The following ARHGAP39 variants were observed in gnomAD, a reference collection of about 807,000 sequenced individuals.
ARHGAP39 encodes rho GTPase-activating protein 39.
ARHGAP39 carries 44 observed loss-of-function variants against 106.9 expected under a neutral mutation model. The ratio of observed to expected loss-of-function variants is 0.41; its 90% CI spans 0.32 to 0.53. The LOEUF is 0.53. Among genes scored for constraint, ARHGAP39 ranks in the 20% least tolerant of loss-of-function variants. The pLI is 0.21. For missense variants in ARHGAP39, 1,496 were observed against 1,577.3 expected, an observed-to-expected ratio of 0.95 and a Z score of 0.87; for synonymous variants, 768 against 693.2, an observed-to-expected ratio of 1.11 and a Z score of -1.69.
At chr8:144,596,134 G>GC (rs1256444084) in intron 2 of ARHGAP39, among the ~76,000 whole-genome samples, 1 of 152,192 alleles carries the variant, frequency 6.6e-6, no homozygotes, top group African/African-American at 2.4e-5. Context: ...AACCCAACGG[G>GC]CCCTGGCAGC....
At chr8:144,675,053 G>T (rs1179197082) in intron 1 of ARHGAP39, among the ~76,000 whole-genome samples, 2 of 152,032 alleles carry the variant, frequency 1.3e-5, no homozygotes, top group African/African-American at 2.4e-5. Context: ...GCCCAGGAGG[G>T]CCAGGCTCCC....
chr8:144,650,976 C>A (rs1216980228), intron 1 of ARHGAP39, among the ~76,000 whole-genome samples: 1 of 152,172 alleles, frequency 6.6e-6, no homozygotes, highest in Admixed American at 6.5e-5. Flanking sequence ...TTGCAGATGA[C>A]ATGATTGTAT....
rs114790885 is a variant in ARHGAP39 at position 144,680,623 on chromosome 8, A to G, written c.-82+5063T>C. On this transcript the variant is annotated intron_variant, in intron 1 of 11. Transcript: ENST00000377307. ...AAATTAGATGTTCGATTTTAAAACTACAAAACAATACTTGGAAAACACTTG... is the reference window on the plus strand; with the variant it reads ...AAATTAGATGTTCGATTTTAAAACTGCAAAACAATACTTGGAAAACACTTG... Among the ~76,000 whole-genome samples, 448 of 152,350 alleles carry G rather than the reference A, an allele frequency of 2.9e-3. 5 individuals carry two copies. Among genetic ancestry groups the G allele is most frequent in the African/African-American group, 9.9e-3 (411 of 41,576 alleles).
chr8:144,602,439 AGTT>A (rs1372630408), intron 2 of ARHGAP39, among the ~76,000 whole-genome samples: 3 of 103,908 alleles, frequency 2.9e-5, no homozygotes, highest in South Asian at 3.3e-4. Context: ...GTGTGCATGG[AGTT>A]GTGCGTGCGA....
chr8:144,593,245 G>C (rs372630372), intron 2 of ARHGAP39, among the ~76,000 whole-genome samples: 12 of 152,298 alleles, frequency 7.9e-5, no homozygotes, highest in Admixed American at 2.0e-4. Flanking sequence ...GTGCATGCCA[G>C]ACAATTTGCC....
rs1819160097 is a variant in ARHGAP39, at chr8:144,585,801, A to G, written c.81-4524T>C. On this transcript the variant is annotated intron_variant, in intron 2 of 11. Coordinates refer to ENST00000377307, the MANE Select transcript of ARHGAP39 (RefSeq NM_025251.3). This position sits in a 1 kb window ranked among gnomAD's most constrained non-coding sequence, Gnocchi z 4.6. ...TGGGCCCCTGCAGGGCCCATAATTT[A>G]AATGAGAAAGAGAATCCAAGGATCA... is the stretch of plus-strand genomic sequence containing the variant. Among the ~76,000 whole-genome samples, 1 of 152,214 alleles carries G rather than the reference A, an allele frequency of 6.6e-6. No individual in the cohort carries two copies. Among genetic ancestry groups the G allele is most frequent in the Non-Finnish European group, 1.5e-5 (1 of 68,036 alleles).
At chr8:144,699,238 G>A in the ARHGAP39 span, 1 of 98,402 alleles carries the variant, frequency 1.0e-5, no homozygotes, top group African/African-American at 4.8e-5. Flanking sequence ...GTGGTGTGTT[G>A]TAGGGGAGGG....
In ARHGAP39 at chr8:144,545,753, C is replaced by T. The variant is rs757366577; in HGVS notation, c.2017G>A (p.Val673Ile). 26 of 1,608,302 alleles carry T rather than the reference C, an allele frequency of 1.6e-5. No homozygotes were observed. The highest frequency in any genetic ancestry group is 9.3e-6 in the Non-Finnish European group (11 of 1,178,172). Reference sequence around the variant, plus strand: ...GGGAAGACGCAGCTGGAGCTGGGAACGCCGCTGCGGCTCTGCCGGCTGCTC... The same window carrying T: ...GGGAAGACGCAGCTGGAGCTGGGAATGCCGCTGCGGCTCTGCCGGCTGCTC... The part of the protein sequence containing the change: ...FESSRQSRSG[V>I]PSSSCVFPTF... The change falls in exon 6 of 12, where the codon GTT becomes ATT. Residue 673 changes from valine to isoleucine, a missense_variant. Coordinates refer to ENST00000377307, the MANE Select transcript of ARHGAP39 (RefSeq NM_025251.3).
At chr8:144,533,410 T>C (rs1293514491) in intron 8 of ARHGAP39, 85 bp from the exon 9 acceptor site, 8 of 1,371,758 alleles carry the variant, frequency 5.8e-6, no homozygotes, top group East Asian at 4.9e-5. Context: ...TCCCCGAACA[T>C]AGGTGGGTGG....
intron 3 of ARHGAP39, among the ~76,000 whole-genome samples, chr8:144,580,590 C>T (rs1477920686): frequency 2.0e-5 from 3 of 151,980 alleles, no homozygotes; most frequent in African/African-American, 4.8e-5. Flanking sequence ...CCTCACCTGG[C>T]CCTGCCCACC....
chr8:144,540,298 A>G (rs1817135594), intron 6 of ARHGAP39, among the ~76,000 whole-genome samples: 1 of 152,208 alleles, frequency 6.6e-6, no homozygotes, highest in African/African-American at 2.4e-5. Flanking sequence ...CGAGATGTTG[A>G]GGCAGGGGGA....
At chr8:144,535,791 CTGA>C (rs1162529043) in intron 7 of ARHGAP39, among the ~76,000 whole-genome samples, 1 of 151,648 alleles carries the variant, frequency 6.6e-6, no homozygotes, top group Non-Finnish European at 1.5e-5. Context: ...CGCCTCTCAG[CTGA>C]TGAAGGTGAT....
intron 1 of ARHGAP39, among the ~76,000 whole-genome samples, chr8:144,643,989 A>G (rs765435801): frequency 6.6e-6 from 1 of 152,226 alleles, no homozygotes; most frequent in African/African-American, 2.4e-5. Context: ...GCCCTCGTAC[A>G]CTGCAAGTAA....
chr8:144,623,476 G>C (rs72697668), intron 1 of ARHGAP39, among the ~76,000 whole-genome samples: 6,586 of 152,348 alleles, frequency 0.043, 192 homozygotes, highest in Non-Finnish European at 0.065. Context: ...GAATGGAAGA[G>C]ACAGAGCTGA....
intron 3 of ARHGAP39, among the ~76,000 whole-genome samples, chr8:144,556,574 AGGCTGAACCTTC>A (rs1564845871): frequency 4.6e-5 from 7 of 151,432 alleles, no homozygotes; most frequent in Non-Finnish European, 8.9e-5. Context: ...TCAGAGGCAA[AGGCTGAACCTTC>A]ATAGTATTCA....
intron 1 of ARHGAP39, among the ~76,000 whole-genome samples, chr8:144,676,323 A>C (rs1410413562): frequency 6.6e-6 from 1 of 152,116 alleles, no homozygotes; most frequent in Non-Finnish European, 1.5e-5. Flanking sequence ...CATTTACAAT[A>C]CTTTAGCTAG....
intron 1 of ARHGAP39, among the ~76,000 whole-genome samples, chr8:144,613,830 C>G (rs1820560032): frequency 1.3e-5 from 2 of 152,192 alleles, no homozygotes. Flanking sequence ...AGCTTTTCAG[C>G]TATCATGTCC....
At chr8:144,673,898 A>C (rs1822165231) in intron 1 of ARHGAP39, among the ~76,000 whole-genome samples, 1 of 152,228 alleles carries the variant, frequency 6.6e-6, no homozygotes, top group African/African-American at 2.4e-5. Context: ...TCCAGGTGCC[A>C]GCTCTGTGCG....
At chr8:144,618,073 C>T (rs139184188) in intron 1 of ARHGAP39, among the ~76,000 whole-genome samples, 3,308 of 152,272 alleles carry the variant, frequency 0.022, 72 homozygotes, top group Admixed American at 0.063. Flanking sequence ...TGAGCCACCA[C>T]GCCTGGCCTA....
Sources: allele counts gnomAD v4.1 joint callset (sites outside exome capture counted in the v4.1 genomes callset), GRCh38; gene constraint gnomAD v4.1.1; non-coding constraint Gnocchi (gnomAD v3.1); transcripts MANE v1.5; gene names NCBI Gene and HGNC (gene_info 2026-07-23, HGNC 2026-07-21).